LIMCH1: variants seen among roughly 807,000 people sequenced by gnomAD.
LIMCH1 encodes LIM and calponin homology domains 1, also known as LIM and calponin homology domains-containing protein 1.
A neutral mutation model predicts 176.5 loss-of-function variants in LIMCH1; 113 were observed. That is an observed-to-expected ratio of 0.64 (90% CI 0.55 to 0.75). LIMCH1 has a LOEUF of 0.75. LIMCH1 is among the 30% of genes least tolerant of loss of function. LIMCH1 has a pLI of 0.00. For missense variants in LIMCH1, 1,674 were observed against 1,814.9 expected (o/e 0.92, Z 1.41); for synonymous variants, 619 against 645.9 (o/e 0.96, Z 0.63).
At chr4:41,407,708 C>T (rs1458402313) in intron 1 of LIMCH1, among the ~76,000 whole-genome samples, 1 of 152,178 alleles carries the variant, frequency 6.6e-6, no homozygotes, top group Non-Finnish European at 1.5e-5. Flanking sequence ...TCTCCTATCC[C>T]ATAGCGACCA....
intron 19 of LIMCH1, among the ~76,000 whole-genome samples, 194 bp from the exon 20 acceptor site, chr4:41,662,627 T>G (rs1279371018): frequency 6.6e-6 from 1 of 152,218 alleles, no homozygotes; most frequent in Non-Finnish European, 1.5e-5. Flanking sequence ...TGCTTGTTGT[T>G]CAATACCATG....
At position 41,482,591 on chromosome 4, in the gene LIMCH1, A is replaced by G. The variant is rs986622299; in HGVS notation, c.97-11945A>G. Among the ~76,000 whole-genome samples, 8 of 152,178 alleles carry G rather than the reference A, an allele frequency of 5.3e-5. No homozygotes were observed. The South Asian group carries it at 1.7e-3, about 32-fold the overall frequency. On this transcript the variant is annotated intron_variant, in intron 1 of 26. Coordinates refer to the LIMCH1 transcript ENST00000313860. ...GTCTTTTGGGTTAGACAGTATGACA[A>G]TATTAGAATATAAGAGGAGAGCCAG...
In LIMCH1 at chr4:41,655,298, A is replaced by T. The variant is rs79430165; in HGVS notation, c.3036+4690A>T. 8.5e-3 allele frequency among the ~76,000 whole-genome samples: 1,302 copies of T among 152,348 alleles called. 19 individuals are homozygous for T. Among genetic ancestry groups the T allele is most frequent in the African/African-American group, 0.03 (1,242 of 41,580 alleles). ...AAAGAAGTATAATAATAGCATAGACATCAGATGGTTATTGTGAGAATTCAT... is the reference window on the plus strand; with the variant it reads ...AAAGAAGTATAATAATAGCATAGACTTCAGATGGTTATTGTGAGAATTCAT... On this transcript the variant is annotated intron_variant, in intron 18 of 31. Transcript: ENST00000503057.
intron 1 of LIMCH1, among the ~76,000 whole-genome samples, chr4:41,543,657 C>T (rs2078977375): frequency 6.6e-6 from 1 of 152,160 alleles, no homozygotes; most frequent in African/African-American, 2.4e-5. Flanking sequence ...ATTCTTTGGT[C>T]TGAGTCTCAG....
intron 1 of LIMCH1, among the ~76,000 whole-genome samples, chr4:41,365,887 G>T (rs559291838): frequency 1.9e-3 from 285 of 152,340 alleles, no homozygotes; most frequent in Non-Finnish European, 1.6e-3. Context: ...GTTGCATCAG[G>T]CGAGCTCCAA....
At chr4:41,691,044 G>C (rs1173035599) in intron 30 of LIMCH1, among the ~76,000 whole-genome samples, 2 of 152,154 alleles carry the variant, frequency 1.3e-5, no homozygotes, top group Non-Finnish European at 1.5e-5. Flanking sequence ...CTAGAAATAA[G>C]CAAGGTGGTA....
At chr4:41,596,041 T>A (rs557421278) in intron 1 of LIMCH1, among the ~76,000 whole-genome samples, 1 of 127,132 alleles carries the variant, frequency 7.9e-6, no homozygotes, top group Non-Finnish European at 1.5e-5. Flanking sequence ...AGAGTGAGAC[T>A]CCATCTCAAA....
At chr4:41,474,279 GA>G (rs2067405417) in intron 1 of LIMCH1, among the ~76,000 whole-genome samples, 1 of 152,176 alleles carries the variant, frequency 6.6e-6, no homozygotes, top group African/African-American at 2.4e-5. Context: ...ACAAGGGCAG[GA>G]GTTCAAGACC....
At chr4:41,438,488 G>A (rs1006838135) in intron 1 of LIMCH1, among the ~76,000 whole-genome samples, 1 of 150,896 alleles carries the variant, frequency 6.6e-6, no homozygotes, top group Non-Finnish European at 1.5e-5. Context: ...TCAGCCTCCC[G>A]CCACGACACC....
chr4:41,692,021 C>T (rs1726368758), intron 30 of LIMCH1, among the ~76,000 whole-genome samples: 1 of 152,138 alleles, frequency 6.6e-6, no homozygotes, highest in Non-Finnish European at 1.5e-5. Flanking sequence ...TTATCAGCTC[C>T]ACAACCTAGG....
At chr4:41,397,457 A>G (rs2057917006) in intron 1 of LIMCH1, among the ~76,000 whole-genome samples, 1 of 152,034 alleles carries the variant, frequency 6.6e-6, no homozygotes, top group African/African-American at 2.4e-5. Flanking sequence ...AATACGTTAT[A>G]TGGATTTACA....
At chr4:41,510,023 C>G (rs1045141790) in intron 2 of LIMCH1, among the ~76,000 whole-genome samples, 2 of 152,190 alleles carry the variant, frequency 1.3e-5, no homozygotes, top group East Asian at 3.8e-4. Context: ...TTCCTTTCTC[C>G]TAATACATAG....
chr4:41,416,869 T>A (rs146775930), intron 1 of LIMCH1, among the ~76,000 whole-genome samples: 2 of 152,186 alleles, frequency 1.3e-5, no homozygotes, highest in African/African-American at 4.8e-5. Context: ...ACAAACCTAG[T>A]TTCTCAGAAA....
chr4:41,687,378 G>T (rs1721703121), intron 28 of LIMCH1, among the ~76,000 whole-genome samples: 1 of 152,108 alleles, frequency 6.6e-6, no homozygotes, highest in Admixed American at 6.6e-5. Flanking sequence ...ACTGAAAATA[G>T]CTCCTTTAAG....
chr4:41,461,272 T>C (rs2154153150), intron 1 of LIMCH1, among the ~76,000 whole-genome samples: 1 of 152,324 alleles, frequency 6.6e-6, no homozygotes, highest in East Asian at 1.9e-4. Context: ...GGCTGCAGTC[T>C]GGCTGCAGAA....
intron 1 of LIMCH1, among the ~76,000 whole-genome samples, chr4:41,470,065 G>A (rs2066725412): frequency 6.6e-6 from 1 of 152,116 alleles, no homozygotes. Flanking sequence ...AACTGCAGTG[G>A]CCAAGGTTCT....
In LIMCH1 at chr4:41,493,697, G is replaced by A. The variant is rs114728551; in HGVS notation, c.97-839G>A. 8.4e-3 allele frequency among the ~76,000 whole-genome samples: 1,280 copies of A among 152,230 alleles called. 10 individuals carry two copies. Among genetic ancestry groups the A allele is most frequent in the Middle Eastern group, 0.034 (10 of 294 alleles). ...CCCCCATGGATATTGAGGGATGCCT[G>A]TATACTTACCTGGTATATTTTAGGT... is the stretch of plus-strand genomic sequence containing the variant. On this transcript the variant is annotated intron_variant, in intron 1 of 26. Coordinates refer to the LIMCH1 transcript ENST00000313860.
chr4:41,646,963 C>T (rs1172940187), intron 17 of LIMCH1, 70 bp downstream of exon 17: 8 of 1,364,550 alleles, frequency 5.9e-6, no homozygotes, highest in South Asian at 1.4e-5. Context: ...AGCATCATGA[C>T]TCAAGAAAAT....
At chr4:41,553,342 A>G (rs2080796869) in intron 1 of LIMCH1, among the ~76,000 whole-genome samples, 1 of 152,184 alleles carries the variant, frequency 6.6e-6, no homozygotes, top group African/African-American at 2.4e-5. Context: ...GGGAACATAG[A>G]GGAGGGCCTT....
Sources: gnomAD v4.1 joint callset for allele counts (sites outside exome capture counted in the v4.1 genomes callset) on GRCh38, gnomAD v4.1.1 for gene constraint, MANE v1.5 for transcripts, NCBI Gene and HGNC (gene_info 2026-07-23, HGNC 2026-07-21) for gene names.